The following WDPCP variants were observed in gnomAD, a reference collection of about 807,000 sequenced individuals.
The protein encoded by WDPCP is WD repeat containing planar cell polarity effector, also known as WD repeat-containing and planar cell polarity effector protein fritz homolog.
In WDPCP, 71 loss-of-function variants were observed where a neutral mutation model predicts 93.1. That is an observed-to-expected ratio of 0.76 (90% confidence interval 0.63 to 0.93). The LOEUF (loss-of-function observed/expected upper bound fraction) is 0.93. Ranked by LOEUF, WDPCP falls within the 40% of genes least tolerant of loss-of-function variation. The pLI, the probability that WDPCP is intolerant of heterozygous loss-of-function variation, is 0.00. For synonymous variants in WDPCP, 315 were observed against 315.0 expected (o/e 1.00, Z 0.00); for missense variants, 844 against 887.4 (o/e 0.95, Z 0.62).
At chr2:63,482,700 G>C (rs1157297843) in intron 6 of WDPCP, among the ~76,000 whole-genome samples, 1 of 151,966 alleles carries the variant, frequency 6.6e-6, no homozygotes, top group Non-Finnish European at 1.5e-5. Flanking sequence ...CTTTAAATAT[G>C]TGAAGACTAA....
intron 12 of WDPCP, among the ~76,000 whole-genome samples, chr2:63,353,551 G>T (rs1406316189): frequency 1.3e-5 from 2 of 152,168 alleles, no homozygotes; most frequent in African/African-American, 4.8e-5. Context: ...AGGCTTTGGA[G>T]AGTCCAAGCT....
intron 14 of WDPCP, among the ~76,000 whole-genome samples, chr2:63,234,817 G>T (rs1679241561): frequency 6.6e-6 from 1 of 151,988 alleles, no homozygotes; most frequent in South Asian, 2.1e-4. Context: ...TGCCCTCTTT[G>T]GCTCTATAAT....
chr2:63,550,224 CACACACACACACACA>C (rs1558793248), intron 1 of WDPCP, among the ~76,000 whole-genome samples: 9 of 151,238 alleles, frequency 6.0e-5, no homozygotes, highest in East Asian at 1.9e-4. Flanking sequence ...CACACACACA[CACACACACACACACA>C]CCCTTCCTCT....
chr2:63,720,156 C>A (rs1005462760), intron 2 of WDPCP, among the ~76,000 whole-genome samples: 4 of 152,050 alleles, frequency 2.6e-5, no homozygotes, highest in African/African-American at 4.8e-5. Context: ...GTGGCTCATG[C>A]CTGTAATCCT....
chr2:63,317,515 T>C (rs1192213712), intron 12 of WDPCP, among the ~76,000 whole-genome samples: 1 of 151,948 alleles, frequency 6.6e-6, no homozygotes. Flanking sequence ...TTCGAACTCC[T>C]ACAAAGCTAC....
chr2:63,273,394 T>A, intron 13 of WDPCP, among the ~76,000 whole-genome samples: 1 of 148,808 alleles, frequency 6.7e-6, no homozygotes. Flanking sequence ...TAATAAACAG[T>A]AAGAGAGGAA....
intron 9 of WDPCP, among the ~76,000 whole-genome samples, chr2:63,411,340 CAAT>C (rs918183758): frequency 5.9e-5 from 9 of 151,978 alleles, no homozygotes; most frequent in Non-Finnish European, 1.2e-4. Context: ...AACTGAACAA[CAAT>C]GACACAACCT....
At chr2:63,275,518 T>C (rs1231205644) in intron 13 of WDPCP, among the ~76,000 whole-genome samples, 1 of 152,102 alleles carries the variant, frequency 6.6e-6, no homozygotes, top group Non-Finnish European at 1.5e-5. Flanking sequence ...TAGAAAGTTA[T>C]TAGAAATGAT....
chr2:63,129,033 T>C (rs1402060672), intron 17 of WDPCP, among the ~76,000 whole-genome samples: 1 of 152,234 alleles, frequency 6.6e-6, no homozygotes, highest in Non-Finnish European at 1.5e-5. Flanking sequence ...TAATGCAATA[T>C]TTGTCCTTTT....
chr2:63,511,056 A>C (rs1460453019), intron 1 of WDPCP, among the ~76,000 whole-genome samples: 1 of 152,210 alleles, frequency 6.6e-6, no homozygotes, highest in African/African-American at 2.4e-5. Context: ...GCAAAGTCTC[A>C]GGATACAAAA....
At chr2:63,150,804 AGTT>A (rs938849433) in intron 17 of WDPCP, among the ~76,000 whole-genome samples, 1 of 152,258 alleles carries the variant, frequency 6.6e-6, no homozygotes, top group Non-Finnish European at 1.5e-5. Context: ...GTTGAAAAAT[AGTT>A]ATTATAGCAA....
At chr2:63,738,134 C>T (rs1015582462) in intron 2 of WDPCP, among the ~76,000 whole-genome samples, 1 of 152,052 alleles carries the variant, frequency 6.6e-6, no homozygotes, top group Non-Finnish European at 1.5e-5. Context: ...CTGTAGTTTT[C>T]CCACACCCCT....
chr2:63,461,795 T>A (rs1255643283), intron 6 of WDPCP, among the ~76,000 whole-genome samples: 2 of 152,240 alleles, frequency 1.3e-5, no homozygotes, highest in East Asian at 3.8e-4. Flanking sequence ...CTTCTTCTCA[T>A]CCCTGTATCC....
chr2:63,568,142 A>G (rs1377971798), intron 1 of WDPCP, among the ~76,000 whole-genome samples: 1 of 152,216 alleles, frequency 6.6e-6, no homozygotes, highest in Non-Finnish European at 1.5e-5. Context: ...GGTTGTTTGC[A>G]GGTGAAGGCA....
At chr2:63,455,158 C>CA (rs199954301) in intron 6 of WDPCP, among the ~76,000 whole-genome samples, 2,146 of 151,802 alleles carry the variant, frequency 0.014, 29 homozygotes, top group Middle Eastern at 0.024. Context: ...AGGAAAGACT[C>CA]AAATGGTACC....
intron 1 of WDPCP, among the ~76,000 whole-genome samples, chr2:63,505,317 C>A (rs532541602): frequency 3.7e-4 from 57 of 152,094 alleles, no homozygotes; most frequent in Non-Finnish European, 7.2e-4. Flanking sequence ...TAGGAAAGAA[C>A]AGCCTTTTCT....
intron 3 of WDPCP, among the ~76,000 whole-genome samples, chr2:63,602,566 G>A (rs1358364896): frequency 6.6e-6 from 1 of 151,780 alleles, no homozygotes; most frequent in Non-Finnish European, 1.5e-5. Flanking sequence ...ATTTTTTTCT[G>A]TGTCTTTATG....
intron 17 of WDPCP, among the ~76,000 whole-genome samples, chr2:63,136,956 A>G (rs568832474): frequency 1.2e-4 from 18 of 152,174 alleles, no homozygotes; most frequent in African/African-American, 4.3e-4. Context: ...TATCCTGTCT[A>G]TTATTGATGG....
At chr2:63,407,976 A>G (rs1694720940) in intron 9 of WDPCP, among the ~76,000 whole-genome samples, 1 of 152,194 alleles carries the variant, frequency 6.6e-6, no homozygotes, top group African/African-American at 2.4e-5. Flanking sequence ...AGTTACGTTC[A>G]TGATCCAGAA....
Sources: allele counts gnomAD v4.1 joint callset (sites outside exome capture counted in the v4.1 genomes callset), GRCh38; gene constraint gnomAD v4.1.1; transcripts MANE v1.5; gene names NCBI Gene and HGNC (gene_info 2026-07-23, HGNC 2026-07-21).